PRKN: variants seen among roughly 807,000 people sequenced by gnomAD.
PRKN encodes E3 ubiquitin-protein ligase parkin.
Under a neutral mutation model 59.5 loss-of-function variants are expected in PRKN, and 56 were observed. That is an observed-to-expected ratio of 0.94 (90% CI 0.76 to 1.18). The LOEUF (loss-of-function observed/expected upper bound fraction) is 1.18. PRKN is among the 50% of genes most tolerant of loss of function. The probability of loss-of-function intolerance (pLI) is 0.00; values close to 1 mark genes in which losing one functional copy is unlikely to be tolerated. For synonymous variants in PRKN, 250 were observed against 222.1 expected (o/e 1.13, Z -1.12); for missense variants, 657 against 596.4 (o/e 1.10, Z -1.06).
chr6:162,559,775 C>A (rs1779761117), intron 1 of PRKN, among the ~76,000 whole-genome samples: 1 of 152,134 alleles, frequency 6.6e-6, no homozygotes, highest in Non-Finnish European at 1.5e-5. Flanking sequence ...CACCAGTATT[C>A]CTTACCAATA....
chr6:162,633,016 C>T (rs1777566840), intron 1 of PRKN, among the ~76,000 whole-genome samples: 1 of 151,942 alleles, frequency 6.6e-6, no homozygotes, highest in Non-Finnish European at 1.5e-5. Context: ...CAATACTTGT[C>T]ATATTTAATT....
At chr6:162,016,561 C>T (rs1426564865) in intron 5 of PRKN, among the ~76,000 whole-genome samples, 2 of 152,066 alleles carry the variant, frequency 1.3e-5, no homozygotes, top group Non-Finnish European at 1.5e-5. Flanking sequence ...CTTAGTTGGG[C>T]CATGTCTATT....
chr6:161,813,615 G>T (rs570132019), intron 6 of PRKN, among the ~76,000 whole-genome samples: 1 of 152,200 alleles, frequency 6.6e-6, no homozygotes, highest in South Asian at 2.1e-4. Flanking sequence ...ACGACTCTCT[G>T]CCCTGCCAGG....
intron 4 of PRKN, among the ~76,000 whole-genome samples, chr6:162,197,566 G>A (rs1242726060): frequency 6.6e-6 from 1 of 152,010 alleles, no homozygotes; most frequent in Non-Finnish European, 1.5e-5. Flanking sequence ...CCTAGTAAAG[G>A]CCAGGGCTAT....
intron 6 of PRKN, among the ~76,000 whole-genome samples, chr6:161,972,930 T>C (rs1780880190): frequency 1.3e-5 from 2 of 152,188 alleles, no homozygotes; most frequent in South Asian, 4.1e-4. Flanking sequence ...TTTTAAATGT[T>C]AGCACCATAT....
At chr6:161,797,817 G>A (rs139069883) in intron 6 of PRKN, among the ~76,000 whole-genome samples, 123 of 152,244 alleles carry the variant, frequency 8.1e-4, no homozygotes, top group African/African-American at 2.8e-3. Flanking sequence ...GTTTTTGCTT[G>A]TTTTACGTGT....
chr6:161,426,189 A>G (rs1217621809), intron 9 of PRKN, among the ~76,000 whole-genome samples: 1 of 152,210 alleles, frequency 6.6e-6, no homozygotes, highest in Non-Finnish European at 1.5e-5. Flanking sequence ...GAGATGTCCC[A>G]CTGCCCCTGA....
intron 7 of PRKN, among the ~76,000 whole-genome samples, chr6:161,757,884 TATACAC>T (rs1789010828): frequency 1.0e-5 from 1 of 97,846 alleles, no homozygotes; most frequent in Non-Finnish European, 2.0e-5. Flanking sequence ...TGTATATATA[TATACAC>T]ACACACACAC....
chr6:162,366,997 C>T (rs572865995), intron 2 of PRKN, among the ~76,000 whole-genome samples: 2 of 152,180 alleles, frequency 1.3e-5, no homozygotes, highest in Non-Finnish European at 2.9e-5. Context: ...TGGCTGTGTC[C>T]CTACCCAAAT....
chr6:161,847,923 G>T (rs1793266864), intron 6 of PRKN, among the ~76,000 whole-genome samples: 1 of 152,180 alleles, frequency 6.6e-6, no homozygotes, highest in Admixed American at 6.5e-5. Flanking sequence ...TTAGAAGAAG[G>T]CTGGTGCTCT....
intron 2 of PRKN, among the ~76,000 whole-genome samples, chr6:162,438,754 G>A (rs546005709): frequency 3.3e-5 from 5 of 152,316 alleles, no homozygotes; most frequent in Admixed American, 3.3e-4. Context: ...ATTACGTTGT[G>A]TGTTGGTGTG....
rs185814719 is a variant in PRKN at position 162,104,889 on chromosome 6, A to C, written c.535-50715T>G. Among the ~76,000 whole-genome samples the C allele has an allele frequency of 2.1e-3, 323 of 152,352 alleles. 1 individual carries two copies. The highest frequency in any genetic ancestry group is 7.6e-3 in the African/African-American group (315 of 41,584). On this transcript the variant is annotated intron_variant, in intron 4 of 11. Transcript: ENST00000366898. ...GAAGATGGCAGAAATCAGAGAGGGG[A>C]GAATATAATTTTAAAAATAAGGATA... is the stretch of plus-strand genomic sequence containing the variant.
chr6:162,400,862 A>G (rs1787758171), intron 2 of PRKN, among the ~76,000 whole-genome samples: 1 of 152,242 alleles, frequency 6.6e-6, no homozygotes. Flanking sequence ...ACTACTATAT[A>G]CATCATACTC....
At position 161,405,103 on chromosome 6, in the gene PRKN, C is replaced by A. The variant is rs939454708; in HGVS notation, c.1084-18226G>T. ...CAGCTCTGACTCTTTAAACTGAATG[C>A]TGATTTATCTCTCCAAATATCTCAC... On this transcript the variant is annotated intron_variant, in intron 9 of 11. Transcript: ENST00000366898. This position sits in a 1 kb window ranked among gnomAD's most constrained non-coding sequence, Gnocchi z 5.1. Among the ~76,000 whole-genome samples the A allele has an allele frequency of 2.6e-5, 4 of 152,150 alleles. No homozygotes were observed. Among genetic ancestry groups the A allele is most frequent in the African/African-American group, 9.7e-5 (4 of 41,428 alleles).
At chr6:161,766,182 A>C (rs1197005684) in intron 7 of PRKN, among the ~76,000 whole-genome samples, 2 of 152,206 alleles carry the variant, frequency 1.3e-5, no homozygotes, top group Admixed American at 6.5e-5. Context: ...AAACCATTTT[A>C]ATCAAAATTT....
intron 3 of PRKN, among the ~76,000 whole-genome samples, chr6:162,248,007 AT>A (rs1779268039): frequency 1.3e-5 from 2 of 152,130 alleles, no homozygotes; most frequent in Non-Finnish European, 2.9e-5. Flanking sequence ...AAATTCAACA[AT>A]ATACTTTATA....
intron 9 of PRKN, among the ~76,000 whole-genome samples, chr6:161,455,039 C>T (rs944950360): frequency 2.0e-5 from 3 of 149,906 alleles, no homozygotes; most frequent in Non-Finnish European, 3.0e-5. Flanking sequence ...TAATTTGACA[C>T]GTGTTTTTTT....
At position 161,862,605 on chromosome 6, in the gene PRKN, G is replaced by A. The variant is rs567568542; in HGVS notation, c.735-76697C>T. 6.0e-4 allele frequency among the ~76,000 whole-genome samples: 91 copies of A among 152,056 alleles called. 1 individual carries two copies. Among genetic ancestry groups the A allele is most frequent in the African/African-American group, 2.0e-3 (81 of 41,500 alleles). On this transcript the variant is annotated intron_variant, in intron 6 of 11. Transcript: ENST00000366898. ...ACTGTGACCCCAGCCTGGAGTAACG[G>A]GGTAAAAAAAAAAGATTCCTTTTGG...
At chr6:162,024,296 C>T (rs1221122037) in intron 5 of PRKN, among the ~76,000 whole-genome samples, 1 of 136,818 alleles carries the variant, frequency 7.3e-6, no homozygotes, top group Non-Finnish European at 1.5e-5. Flanking sequence ...CTCCCAGGTT[C>T]AAGCAATTCT....
Sources: allele counts gnomAD v4.1 joint callset (sites outside exome capture counted in the v4.1 genomes callset), GRCh38; gene constraint gnomAD v4.1.1; non-coding constraint Gnocchi (gnomAD v3.1); transcripts MANE v1.5; gene names NCBI Gene and HGNC (gene_info 2026-07-23, HGNC 2026-07-21).